The following TM9SF2 variants were observed in gnomAD, a reference collection of about 807,000 sequenced individuals.
TM9SF2 encodes the protein transmembrane 9 superfamily member 2.
A neutral mutation model predicts 84.9 loss-of-function variants in TM9SF2; 13 were observed. That is an observed-to-expected ratio of 0.15 (90% confidence interval 0.10 to 0.24). The LOEUF is 0.24. Among genes scored for constraint, TM9SF2 ranks in the 10% least tolerant of loss-of-function variants. The pLI is 1.00. For synonymous variants in TM9SF2, 273 were observed against 285.8 expected (o/e 0.96, Z 0.45); for missense variants, 562 against 818.5 (o/e 0.69, Z 3.82).
At chr13:99,508,404 AACACACACACAC>A (rs61561266) in intron 1 of TM9SF2, among the ~76,000 whole-genome samples, 21 of 134,510 alleles carry the variant, frequency 1.6e-4, no homozygotes, top group South Asian at 2.5e-4. Context: ...AGGCAAACAA[AACACACACACAC>A]ACACACACAC....
intron 1 of TM9SF2, among the ~76,000 whole-genome samples, chr13:99,510,958 C>A (rs527880289): frequency 6.6e-6 from 1 of 152,018 alleles, no homozygotes; most frequent in African/African-American, 2.4e-5. Flanking sequence ...TGTAAATGTT[C>A]TTTGGTTTTC....
chr13:99,517,210 C>T (rs190297564), intron 1 of TM9SF2, among the ~76,000 whole-genome samples: 1 of 152,110 alleles, frequency 6.6e-6, no homozygotes, highest in South Asian at 2.1e-4. Flanking sequence ...AACTCCTGGG[C>T]TCAAGTGATC....
At chr13:99,535,703 C>T (rs1032708427) in intron 4 of TM9SF2, among the ~76,000 whole-genome samples, 1 of 152,164 alleles carries the variant, frequency 6.6e-6, no homozygotes, top group Non-Finnish European at 1.5e-5. Context: ...CTTCCTAAGG[C>T]ACACATTAAT....
At chr13:99,536,934 T>C (rs2046237025) in intron 5 of TM9SF2, among the ~76,000 whole-genome samples, 197 bp downstream of exon 5, 1 of 152,200 alleles carries the variant, frequency 6.6e-6, no homozygotes, top group African/African-American at 2.4e-5. Flanking sequence ...TAATTCAGAT[T>C]CAGTTCAACA....
At chr13:99,537,657 G>C in intron 5 of TM9SF2, 82 bp from the exon 6 acceptor site, 1 of 1,139,284 alleles carries the variant, frequency 8.8e-7, no homozygotes, top group Admixed American at 2.8e-5. Flanking sequence ...TTTCTTACTT[G>C]TTGTAGCCCA....
chr13:99,508,779 A>C (rs552278606), intron 1 of TM9SF2, among the ~76,000 whole-genome samples: 47 of 152,176 alleles, frequency 3.1e-4, no homozygotes, highest in Middle Eastern at 6.8e-3. Flanking sequence ...ACAAGGACTC[A>C]CTCACCATCA....
intron 1 of TM9SF2, among the ~76,000 whole-genome samples, chr13:99,502,562 C>G (rs186958207): frequency 2.6e-5 from 4 of 152,312 alleles, no homozygotes; most frequent in East Asian, 1.9e-4. Flanking sequence ...GTCTTGAAAA[C>G]TTTGATCTCT....
intron 1 of TM9SF2, among the ~76,000 whole-genome samples, chr13:99,509,213 G>A (rs376176657): frequency 3.9e-5 from 6 of 152,234 alleles, no homozygotes; most frequent in African/African-American, 1.2e-4. Flanking sequence ...CTCACAGGTT[G>A]TTCAGTGCCT....
intron 1 of TM9SF2, among the ~76,000 whole-genome samples, chr13:99,513,216 T>A (rs899477943): frequency 1.3e-5 from 2 of 152,182 alleles, no homozygotes; most frequent in African/African-American, 4.8e-5. Context: ...CATGAAACTT[T>A]AACATGTAAA....
intron 4 of TM9SF2, among the ~76,000 whole-genome samples, chr13:99,531,080 C>T (rs748106190): frequency 6.6e-6 from 1 of 151,998 alleles, no homozygotes; most frequent in Non-Finnish European, 1.5e-5. Context: ...AGGCTGGTCT[C>T]GAACTCCTGA....
At chr13:99,550,549 T>G (rs1242170642) in intron 12 of TM9SF2, among the ~76,000 whole-genome samples, 1 of 152,224 alleles carries the variant, frequency 6.6e-6, no homozygotes, top group Non-Finnish European at 1.5e-5. Flanking sequence ...ATTGATGTTC[T>G]TCATCCTACT....
chr13:99,555,549 T>C lies in TM9SF2; in HGVS notation c.1654T>C (p.Tyr552His). The C allele has an allele frequency of 6.2e-7, 1 of 1,613,124 alleles. No homozygotes were observed. Among genetic ancestry groups the C allele is most frequent in the Non-Finnish European group, 8.5e-7 (1 of 1,179,146 alleles). Residue 552 changes from tyrosine (Y) to histidine (H), a missense_variant, in exon 15 of 17, where the codon TAT becomes CAT. By Grantham distance (83) the Tyr-to-His change is moderately conservative. Transcript: ENST00000376387. ...ILNSIWSHQM[Y>H]YMFGFLFLVF... ...GTTTGATTATAGGTCACACCAGATG[T>C]ATTACATGTTTGGCTTCCTATTTCT...
intron 16 of TM9SF2, among the ~76,000 whole-genome samples, chr13:99,560,267 A>G (rs977386739): frequency 6.6e-6 from 1 of 152,162 alleles, no homozygotes; most frequent in Non-Finnish European, 1.5e-5. Flanking sequence ...AAAAAAGAAC[A>G]AGTTTTTTTC....
chr13:99,556,478 G>C (rs1416392295), intron 15 of TM9SF2, among the ~76,000 whole-genome samples: 1 of 151,622 alleles, frequency 6.6e-6, no homozygotes, highest in African/African-American at 2.4e-5. Flanking sequence ...CTTACAAATT[G>C]AATCATATAA....
At chr13:99,552,684 A>G (rs573481830) in intron 13 of TM9SF2, among the ~76,000 whole-genome samples, 3 of 152,234 alleles carry the variant, frequency 2.0e-5, no homozygotes, top group East Asian at 3.9e-4. Flanking sequence ...GCTCACTGCA[A>G]CCTCCACCTT....
chr13:99,559,399 G>T lies in TM9SF2; in HGVS notation c.1789G>T (p.Gly597Cys). The change falls in exon 16 of 17, where the codon GGC becomes TGC. Residue 597 changes from glycine (G) to cysteine (C), a missense_variant. Physicochemically the swap from Gly to Cys is radical, Grantham distance 159. This residue lies in a region of TM9SF2 where 63 missense variants were observed against 109.2 expected (regional missense o/e 0.58). Coordinates refer to ENST00000376387, the MANE Select transcript of TM9SF2 (RefSeq NM_004800.3). Reference protein sequence around the residue: ...HWQWRSFLTSGFTAVYFLIYA... With the variant: ...HWQWRSFLTSCFTAVYFLIYA... ...GCAATGGCGTTCATTCCTTACGAGTGGCTTTACTGCAGTTTATTTCTTAAT... is the reference window on the plus strand; with the variant it reads ...GCAATGGCGTTCATTCCTTACGAGTTGCTTTACTGCAGTTTATTTCTTAAT... The T allele has an allele frequency of 6.2e-7, 1 of 1,602,366 alleles. No individual in the cohort carries two copies. The highest frequency in any genetic ancestry group is 8.5e-7 in the Non-Finnish European group (1 of 1,176,184).
intron 4 of TM9SF2, among the ~76,000 whole-genome samples, chr13:99,530,138 G>A (rs374883628): frequency 6.6e-6 from 1 of 151,984 alleles, no homozygotes; most frequent in East Asian, 1.9e-4. Context: ...TGAAAAAATG[G>A]CACTGATATA....
chr13:99,548,975 A>G (rs1053320941), intron 11 of TM9SF2, among the ~76,000 whole-genome samples, 190 bp from the exon 12 acceptor site: 6 of 152,218 alleles, frequency 3.9e-5, no homozygotes, highest in South Asian at 2.1e-4. Context: ...TACCTAGGGA[A>G]TCCCATCCTG....
intron 2 of TM9SF2, among the ~76,000 whole-genome samples, chr13:99,519,049 G>A (rs2046147502): frequency 6.6e-6 from 1 of 152,110 alleles, no homozygotes. Context: ...AAAGAAAATA[G>A]TTTGCTGTAG....
Sources: allele counts gnomAD v4.1 joint callset (sites outside exome capture counted in the v4.1 genomes callset), GRCh38; gene constraint gnomAD v4.1.1; regional missense constraint gnomAD v4.1.1; transcripts MANE v1.5; gene names NCBI Gene and HGNC (gene_info 2026-07-23, HGNC 2026-07-21).